The following TAFA1 variants were observed in gnomAD, a reference collection of about 807,000 sequenced individuals.
TAFA1 encodes TAFA chemokine like family member 1.
A neutral mutation model predicts 18.5 loss-of-function variants in TAFA1; 4 were observed. The ratio of observed to expected loss-of-function variants is 0.22; its 90% CI spans 0.11 to 0.49. The LOEUF (loss-of-function observed/expected upper bound fraction) is 0.49, where lower values mean the gene tolerates loss of function less well. TAFA1 is among the 20% of genes least tolerant of loss of function. TAFA1 has a pLI of 0.98. For synonymous variants in TAFA1, 56 were observed against 55.2 expected (o/e 1.01, Z -0.06); for missense variants, 147 against 169.0 (o/e 0.87, Z 0.72).
At chr3:67,994,605 C>A in the TAFA1 span, among the ~76,000 whole-genome samples, 1 of 152,102 alleles carries the variant, frequency 6.6e-6, no homozygotes, top group Non-Finnish European at 1.5e-5. Flanking sequence ...AGGACATTTC[C>A]CCAGCTTGTT....
chr3:68,099,115 G>A (rs1458288009), intron 2 of TAFA1, among the ~76,000 whole-genome samples: 1 of 152,056 alleles, frequency 6.6e-6, no homozygotes, highest in Non-Finnish European at 1.5e-5. Flanking sequence ...TTACGACTAA[G>A]TTCTCAAAAG....
chr3:68,362,268 C>A (rs2069482012), intron 2 of TAFA1, among the ~76,000 whole-genome samples: 1 of 152,086 alleles, frequency 6.6e-6, no homozygotes, highest in African/African-American at 2.4e-5. Flanking sequence ...TGGGCACAAG[C>A]CATAATCGGA....
intron 2 of TAFA1, among the ~76,000 whole-genome samples, chr3:68,120,492 A>G (rs2106859095): frequency 6.6e-6 from 1 of 152,104 alleles, no homozygotes; most frequent in East Asian, 1.9e-4. Flanking sequence ...CAAGTGATCC[A>G]CCCACCTCAG....
chr3:68,529,436 T>TAAAAAAAAAAAAAAAA (rs533214097), intron 3 of TAFA1, among the ~76,000 whole-genome samples: 8 of 77,070 alleles, frequency 1.0e-4, no homozygotes, highest in African/African-American at 3.2e-4. Flanking sequence ...CACCATTCTC[T>TAAAAAAAAAAAAAAAA]AAAAAAAAAA....
At chr3:68,469,821 G>T (rs1430347499) in intron 3 of TAFA1, among the ~76,000 whole-genome samples, 1 of 152,210 alleles carries the variant, frequency 6.6e-6, no homozygotes, top group Non-Finnish European at 1.5e-5. Context: ...CCTTGTACCA[G>T]TGATGGGCTG....
chr3:68,387,282 A>G (rs1484173748), intron 2 of TAFA1, among the ~76,000 whole-genome samples: 1 of 152,112 alleles, frequency 6.6e-6, no homozygotes, highest in Non-Finnish European at 1.5e-5. Context: ...CTAGACTCTA[A>G]ATGGCAGTCT....
At chr3:68,086,633 A>G (rs2064973837) in intron 2 of TAFA1, among the ~76,000 whole-genome samples, 1 of 152,206 alleles carries the variant, frequency 6.6e-6, no homozygotes, top group Non-Finnish European at 1.5e-5. Context: ...TTTATTCTAT[A>G]ATGAGAATGA....
chr3:68,521,812 A>G (rs9856419), intron 3 of TAFA1, among the ~76,000 whole-genome samples: 115,738 of 146,756 alleles, frequency 0.79, 45,756 homozygotes, highest in East Asian at 0.89. Context: ...TTATGTTGTG[A>G]CAGAAACATA....
chr3:68,078,372 C>A (rs1167815338), intron 2 of TAFA1, among the ~76,000 whole-genome samples: 1 of 152,076 alleles, frequency 6.6e-6, no homozygotes, highest in Non-Finnish European at 1.5e-5. Context: ...TGAGAGAGGT[C>A]ATCCCTGTCT....
chr3:68,049,773 T>C (rs897896162), intron 2 of TAFA1, among the ~76,000 whole-genome samples: 4 of 152,054 alleles, frequency 2.6e-5, no homozygotes, highest in Non-Finnish European at 5.9e-5. Context: ...CTGTCCTTTT[T>C]AGGTGGTGAG....
At chr3:68,225,906 GA>G (rs1370268139) in intron 2 of TAFA1, among the ~76,000 whole-genome samples, 1 of 151,408 alleles carries the variant, frequency 6.6e-6, no homozygotes, top group African/African-American at 2.4e-5. Context: ...AAATCCATAT[GA>G]AAACACTTTG....
chr3:68,349,568 GA>G (rs1158725224), intron 2 of TAFA1, among the ~76,000 whole-genome samples: 4 of 151,902 alleles, frequency 2.6e-5, no homozygotes, highest in South Asian at 4.1e-4. Flanking sequence ...AATTTCATAG[GA>G]AAAAAAGTCA....
chr3:68,085,348 TAC>T (rs2064958071), intron 2 of TAFA1, among the ~76,000 whole-genome samples: 1 of 152,194 alleles, frequency 6.6e-6, no homozygotes, highest in Admixed American at 6.5e-5. Flanking sequence ...CCCCTAAACA[TAC>T]AGAGTATGCA....
chr3:68,185,810 G>A (rs2066263463), intron 2 of TAFA1, among the ~76,000 whole-genome samples: 1 of 152,042 alleles, frequency 6.6e-6, no homozygotes, highest in African/African-American at 2.4e-5. Context: ...TACTCAGGAG[G>A]CTGAGATGGG....
intron 3 of TAFA1, among the ~76,000 whole-genome samples, chr3:68,537,941 A>C (rs1559710777): frequency 6.6e-6 from 1 of 152,172 alleles, no homozygotes; most frequent in Non-Finnish European, 1.5e-5. Context: ...TGGAGTTATC[A>C]CTCAAATTAG....
intron 3 of TAFA1, among the ~76,000 whole-genome samples, chr3:68,518,981 A>G (rs1032742189): frequency 3.3e-5 from 5 of 152,364 alleles, no homozygotes; most frequent in East Asian, 3.9e-4. Flanking sequence ...TTTAAATATC[A>G]GTGATCTTTC....
At chr3:68,265,504 C>T (rs1327175217) in intron 2 of TAFA1, among the ~76,000 whole-genome samples, 1 of 152,142 alleles carries the variant, frequency 6.6e-6, no homozygotes, top group Non-Finnish European at 1.5e-5. Flanking sequence ...CTTGACATTC[C>T]TGGTGGGAAT....
intron 2 of TAFA1, among the ~76,000 whole-genome samples, chr3:68,023,003 A>T (rs1704731315): frequency 6.7e-6 from 1 of 150,252 alleles, no homozygotes; most frequent in South Asian, 2.1e-4. Context: ...CAGTGAAGGA[A>T]ATCAGGCTCA....
intron 2 of TAFA1, among the ~76,000 whole-genome samples, chr3:68,165,695 G>C (rs957880798): frequency 6.6e-6 from 1 of 152,208 alleles, no homozygotes; most frequent in African/African-American, 2.4e-5. Flanking sequence ...AGTGCTTTCT[G>C]TGTGCCAGGC....
Sources: allele counts gnomAD v4.1 joint callset (sites outside exome capture counted in the v4.1 genomes callset), GRCh38; gene constraint gnomAD v4.1.1; transcripts MANE v1.5; gene names NCBI Gene and HGNC (gene_info 2026-07-23, HGNC 2026-07-21).